SPATA6: variants seen among roughly 807,000 people sequenced by gnomAD.
The protein encoded by SPATA6 is spermatogenesis-associated protein 6.
Under a neutral mutation model 65.3 loss-of-function variants are expected in SPATA6, and 56 were observed. The ratio of observed to expected loss-of-function variants is 0.86; its 90% CI spans 0.69 to 1.07. SPATA6 has a LOEUF of 1.07. Among genes scored for constraint, SPATA6 ranks in the 50% least tolerant of loss-of-function variants. The pLI is 0.00. For missense variants in SPATA6, 590 were observed against 594.8 expected, an observed-to-expected ratio of 0.99 and a Z score of 0.08; for synonymous variants, 199 against 213.2, an observed-to-expected ratio of 0.93 and a Z score of 0.58.
At chr1:48,272,976 G>C in the SPATA6 span, among the ~76,000 whole-genome samples, 1 of 151,990 alleles carries the variant, frequency 6.6e-6, no homozygotes, top group Non-Finnish European at 1.5e-5. Context: ...TGTAATTTCG[G>C]TATTAAGGTG....
At chr1:48,266,769 TTTAAGA>T in the SPATA6 span, among the ~76,000 whole-genome samples, 2 of 152,180 alleles carry the variant, frequency 1.3e-5, no homozygotes, top group Non-Finnish European at 2.9e-5. Flanking sequence ...ACTGTTTTTG[TTTAAGA>T]TTATCAACAA....
intron 11 of SPATA6, among the ~76,000 whole-genome samples, chr1:48,348,739 T>C (rs1052843413): frequency 2.0e-5 from 3 of 152,062 alleles, no homozygotes; most frequent in Non-Finnish European, 4.4e-5. Context: ...AACTCAGGTA[T>C]ATATTCATAT....
At chr1:48,434,190 GT>G (rs1323645226) in intron 3 of SPATA6, among the ~76,000 whole-genome samples, 3 of 134,914 alleles carry the variant, frequency 2.2e-5, no homozygotes, top group African/African-American at 8.3e-5. Flanking sequence ...ATGATATTTT[GT>G]TTAACTCCTT....
chr1:48,350,006 T>C (rs1018514753), intron 11 of SPATA6, among the ~76,000 whole-genome samples: 1 of 151,904 alleles, frequency 6.6e-6, no homozygotes, highest in Non-Finnish European at 1.5e-5. Flanking sequence ...GGTCATATGA[T>C]AAGTATATGT....
chr1:48,272,967 G>C, the SPATA6 span, among the ~76,000 whole-genome samples: 5,788 of 152,128 alleles, frequency 0.038, 358 homozygotes, highest in African/African-American at 0.13. Flanking sequence ...ATTGCTATTT[G>C]TAATTTCGGT....
chr1:48,345,304 G>A (rs1646334178), intron 11 of SPATA6, among the ~76,000 whole-genome samples: 1 of 152,034 alleles, frequency 6.6e-6, no homozygotes, highest in Non-Finnish European at 1.5e-5. Context: ...TGAGAACAAA[G>A]ATACAACATA....
At chr1:48,360,337 T>G (rs7513258) in intron 9 of SPATA6, among the ~76,000 whole-genome samples, 7 of 151,848 alleles carry the variant, frequency 4.6e-5, no homozygotes, top group Non-Finnish European at 7.4e-5. Flanking sequence ...TACAGGATAT[T>G]AAGTAACATG....
chr1:48,377,780 T>C (rs970636857), intron 9 of SPATA6, among the ~76,000 whole-genome samples: 2 of 152,196 alleles, frequency 1.3e-5, no homozygotes, highest in Non-Finnish European at 1.5e-5. Flanking sequence ...CAGAGTATTA[T>C]AGGTGTAATA....
chr1:48,395,257 T>A lies in SPATA6; in HGVS notation c.868+10A>T. On this transcript the variant is annotated intron_variant, in intron 8 of 12. Coordinates refer to ENST00000371847, the MANE Select transcript of SPATA6 (RefSeq NM_019073.4). Reference sequence around the variant, plus strand: ...ACTACAGCAATGAATAAAGACAACTTCTAGCTTACCATTGTGCACCCTTGA... The same window carrying A: ...ACTACAGCAATGAATAAAGACAACTACTAGCTTACCATTGTGCACCCTTGA... The A allele has an allele frequency of 6.5e-7, 1 of 1,535,254 alleles. No homozygotes were observed. Among genetic ancestry groups the A allele is most frequent in the Non-Finnish European group, 8.8e-7 (1 of 1,139,652 alleles).
At chr1:48,341,003 G>A (rs1055774719) in intron 11 of SPATA6, among the ~76,000 whole-genome samples, 1 of 152,150 alleles carries the variant, frequency 6.6e-6, no homozygotes, top group African/African-American at 2.4e-5. Context: ...TTCAGAATGT[G>A]CAAAGCATAA....
intron 9 of SPATA6, among the ~76,000 whole-genome samples, chr1:48,368,564 C>A (rs952439364): frequency 9.9e-5 from 15 of 152,180 alleles, no homozygotes; most frequent in Admixed American, 9.8e-4. Context: ...ATCACTGATA[C>A]CCTTTCTTCC....
chr1:48,455,381 CT>C lies in SPATA6; in HGVS notation c.52-2251del, dbSNP rs760784000. Among the ~76,000 whole-genome samples, 1,195 of 143,818 alleles carry C rather than the reference CT, an allele frequency of 8.3e-3. 11 individuals carry two copies. Among genetic ancestry groups the C allele is most frequent in the African/African-American group, 0.023 (907 of 39,566 alleles). 94.4% of individuals were successfully genotyped at this position (143,818 alleles called of 152,430 possible). ...TTATTACTTTTGACTACCTCTTTAA[CT>C]TTTTTTTTTTTTTTGAGACAGTGTC... On this transcript the variant is annotated intron_variant, in intron 1 of 12. Transcript: ENST00000371847.
At chr1:48,272,730 C>T in the SPATA6 span, among the ~76,000 whole-genome samples, 1 of 152,162 alleles carries the variant, frequency 6.6e-6, no homozygotes, top group South Asian at 2.1e-4. Flanking sequence ...TATGATAGTT[C>T]TATTTTTAAT....
chr1:48,345,603 T>G (rs1646341798), intron 11 of SPATA6, among the ~76,000 whole-genome samples: 1 of 151,800 alleles, frequency 6.6e-6, no homozygotes, highest in African/African-American at 2.4e-5. Context: ...CTAGCTAGAC[T>G]AATAAAGAAG....
chr1:48,342,545 G>A (rs952347687), intron 11 of SPATA6, among the ~76,000 whole-genome samples: 3 of 151,588 alleles, frequency 2.0e-5, no homozygotes, highest in African/African-American at 7.3e-5. Flanking sequence ...GAACCCCGGA[G>A]GCAGAGCTTG....
intron 9 of SPATA6, 54 bp from the exon 10 acceptor site, chr1:48,359,824 T>A: frequency 7.3e-7 from 1 of 1,362,754 alleles, no homozygotes; most frequent in Non-Finnish European, 9.9e-7. Flanking sequence ...CATATGTATA[T>A]AACATATTAT....
At chr1:48,292,812 TG>T (rs1644777057), downstream of SPATA6, among the ~76,000 whole-genome samples, 1 of 152,210 alleles carries the variant, frequency 6.6e-6, no homozygotes, top group African/African-American at 2.4e-5. Context: ...CAGATGAATG[TG>T]GTGGTTAAAA....
the SPATA6 span, among the ~76,000 whole-genome samples, chr1:48,277,942 G>A: frequency 4.3e-4 from 65 of 152,266 alleles, no homozygotes; most frequent in South Asian, 4.1e-4. Context: ...CAGTAGGGGC[G>A]GACTGACACC....
chr1:48,290,581 T>C (rs1011181597), downstream of SPATA6, among the ~76,000 whole-genome samples: 28 of 152,114 alleles, frequency 1.8e-4, no homozygotes, highest in African/African-American at 6.8e-4. Flanking sequence ...GACCCATCAG[T>C]GTGCTGTATT....
Sources: gnomAD v4.1 joint callset for allele counts (sites outside exome capture counted in the v4.1 genomes callset) on GRCh38, gnomAD v4.1.1 for gene constraint, MANE v1.5 for transcripts, NCBI Gene and HGNC (gene_info 2026-07-23, HGNC 2026-07-21) for gene names.